Variants in SAXO1 observed in about 807,000 individuals in gnomAD.
SAXO1 encodes stabilizer of axonemal microtubules 1, also known as 4930500O09Rik.
A neutral mutation model predicts 17.5 loss-of-function variants in SAXO1; 21 were observed. The observed-to-expected ratio is 1.20, with a 90% CI of 0.85 to 1.72. The LOEUF is 1.72. SAXO1 is among the 40% of genes most tolerant of loss of function. The pLI is 0.00. For synonymous variants in SAXO1, 274 were observed against 216.5 expected (o/e 1.27, Z -2.33); for missense variants, 843 against 596.0 (o/e 1.41, Z -4.32).
intron 1 of SAXO1, among the ~76,000 whole-genome samples, chr9:19,004,895 T>A (rs1378834975): frequency 1.3e-5 from 2 of 151,970 alleles, no homozygotes; most frequent in African/African-American, 4.8e-5. Flanking sequence ...AAATTTAACA[T>A]GAAAAAAATT....
At chr9:19,026,542 A>G (rs1203011385) in intron 1 of SAXO1, among the ~76,000 whole-genome samples, 1 of 152,164 alleles carries the variant, frequency 6.6e-6, no homozygotes, top group Non-Finnish European at 1.5e-5. Flanking sequence ...CACAGTTTCA[A>G]ATTTAGTCAT....
At chr9:19,013,540 A>ATTTTTTTTTTTTTTTT (rs1219136885) in intron 1 of SAXO1, among the ~76,000 whole-genome samples, 1 of 93,204 alleles carries the variant, frequency 1.1e-5, no homozygotes, top group Non-Finnish European at 1.9e-5. Flanking sequence ...AAAAGTACGG[A>ATTTTTTTTTTTTTTTT]TTTTTTTTTT....
At chr9:19,012,419 GACA>G (rs1263087220) in intron 1 of SAXO1, among the ~76,000 whole-genome samples, 3 of 152,222 alleles carry the variant, frequency 2.0e-5, no homozygotes, top group Non-Finnish European at 2.9e-5. Context: ...ATCTGTAATA[GACA>G]ACTGTAAATA....
At chr9:18,952,511 T>G (rs1887444) in intron 1 of SAXO1, among the ~76,000 whole-genome samples, 1 of 151,960 alleles carries the variant, frequency 6.6e-6, no homozygotes, top group Non-Finnish European at 1.5e-5. Context: ...CCATCTACTC[T>G]CCAGAGAAAA....
intron 1 of SAXO1, among the ~76,000 whole-genome samples, chr9:18,989,503 G>A (rs1833721804): frequency 6.6e-6 from 1 of 151,648 alleles, no homozygotes; most frequent in African/African-American, 2.4e-5. Context: ...GTATACAGAT[G>A]ACCAATTCAT....
chr9:18,947,076 A>C (rs908191887), intron 2 of SAXO1, among the ~76,000 whole-genome samples: 3 of 152,244 alleles, frequency 2.0e-5, no homozygotes, highest in African/African-American at 7.2e-5. Context: ...CAGTATAGAC[A>C]ATTCAAAGGC....
At chr9:19,027,697 G>GATGTGGGAGGATTGCTTGAGCCCAGGA in intron 1 of SAXO1, 1 of 1,342,678 alleles carries the variant, frequency 7.4e-7, no homozygotes, top group Non-Finnish European at 1.1e-6. Flanking sequence ...CTGATGAGCT[G>GATGTGGGAGGATTGCTTGAGCCCAGGA]GATGCCATAG....
At chr9:18,957,418 C>A (rs1450816698) in intron 1 of SAXO1, among the ~76,000 whole-genome samples, 7 of 152,168 alleles carry the variant, frequency 4.6e-5, no homozygotes, top group African/African-American at 1.7e-4. Flanking sequence ...AGCTGGTCAG[C>A]AGCAGCCTTC....
chr9:18,974,855 G>A lies in SAXO1; in HGVS notation c.39-23918C>T, dbSNP rs1833074738. 2.0e-5 allele frequency among the ~76,000 whole-genome samples: 3 copies of A among 152,194 alleles called. No individual in the cohort carries two copies. The South Asian group carries it at 6.2e-4, about 32-fold the overall frequency. The stretch of plus-strand genomic sequence containing the variant: ...ATTCAGGTGGATTCATTCAACCATG[G>A]ATGGATGCTAAGGCTGATAGGCAAA... On this transcript the variant is annotated intron_variant, in intron 1 of 3. Coordinates refer to ENST00000380534, the MANE Select transcript of SAXO1 (RefSeq NM_153707.4).
At chr9:19,048,390 T>C (rs199629606) in intron 1 of SAXO1, among the ~76,000 whole-genome samples, 1 of 151,736 alleles carries the variant, frequency 6.6e-6, no homozygotes, top group Non-Finnish European at 1.5e-5. Flanking sequence ...TCAGGAGGCG[T>C]AGGTTGCAGT....
At chr9:19,034,282 T>C (rs529220402), upstream of SAXO1, among the ~76,000 whole-genome samples, 2 of 150,166 alleles carry the variant, frequency 1.3e-5, no homozygotes, top group African/African-American at 5.0e-5. Context: ...GTGGGGGGGG[T>C]TAGGTTTTTT....
intron 1 of SAXO1, among the ~76,000 whole-genome samples, chr9:19,012,974 C>T (rs1052158928): frequency 1.3e-5 from 2 of 152,114 alleles, no homozygotes; most frequent in Admixed American, 6.6e-5. Flanking sequence ...CTATAGGTCA[C>T]GCTTTTCTCT....
rs369149434 is a variant in SAXO1 at position 18,970,163 on chromosome 9, T to C, written c.39-19226A>G. On this transcript the variant is annotated intron_variant, in intron 1 of 3. Transcript: ENST00000380534. ...AGTTGGATAAATGCCACCATCCATA[T>C]AGCCCCAGATGTTTGGCTTGATGTG... is the stretch of plus-strand genomic sequence containing the variant. Among the ~76,000 whole-genome samples, 113 of 152,340 alleles carry C rather than the reference T, an allele frequency of 7.4e-4. 2 individuals carry two copies. The South Asian group carries it at 8.3e-3, about 11-fold the overall frequency.
chr9:19,015,888 AC>A (rs1834954714), intron 1 of SAXO1, among the ~76,000 whole-genome samples: 1 of 152,132 alleles, frequency 6.6e-6, no homozygotes, highest in Admixed American at 6.5e-5. Flanking sequence ...CATCTGAATC[AC>A]CAAAGTTGTT....
intron 3 of SAXO1, among the ~76,000 whole-genome samples, chr9:18,929,802 G>A (rs1330467262): frequency 6.6e-6 from 1 of 152,200 alleles, no homozygotes; most frequent in Non-Finnish European, 1.5e-5. Context: ...CAGCTCACTT[G>A]GCTAGAAGTG....
intron 1 of SAXO1, among the ~76,000 whole-genome samples, chr9:18,985,555 T>C (rs141186232): frequency 2.1e-4 from 32 of 152,198 alleles, no homozygotes; most frequent in South Asian, 1.9e-3. Context: ...AGAGCAGCAA[T>C]TGACTGGAGT....
chr9:18,982,445 G>GC (rs1344558203), intron 1 of SAXO1, among the ~76,000 whole-genome samples: 2 of 152,262 alleles, frequency 1.3e-5, no homozygotes, highest in East Asian at 3.9e-4. Context: ...AGTCTCCTAG[G>GC]AAAAGCTCTG....
chr9:18,985,405 TA>T (rs1256681902), intron 1 of SAXO1, among the ~76,000 whole-genome samples: 3 of 152,102 alleles, frequency 2.0e-5, no homozygotes, highest in South Asian at 2.1e-4. Context: ...AAACCTACAT[TA>T]AAAAAACACA....
At chr9:19,034,108 A>C (rs1835871692), upstream of SAXO1, among the ~76,000 whole-genome samples, 1 of 152,208 alleles carries the variant, frequency 6.6e-6, no homozygotes, top group African/African-American at 2.4e-5. Context: ...TGGACTTAAA[A>C]CATTTTGACT....
Sources: allele counts gnomAD v4.1 joint callset (sites outside exome capture counted in the v4.1 genomes callset), GRCh38; gene constraint gnomAD v4.1.1; transcripts MANE v1.5; gene names NCBI Gene and HGNC (gene_info 2026-07-23, HGNC 2026-07-21).